DLX2: variants seen among roughly 807,000 people sequenced by gnomAD.
The protein encoded by DLX2 is distal-less homeobox 2, also known as homeobox protein DLX-2.
In DLX2, 8 loss-of-function variants were observed where a neutral mutation model predicts 27.4. The observed-to-expected ratio is 0.29, with a 90% CI of 0.17 to 0.53. The LOEUF is 0.53. Ranked by LOEUF, DLX2 falls within the 20% of genes least tolerant of loss-of-function variation. The pLI is 0.96. For missense variants in DLX2, 421 were observed against 450.9 expected, an observed-to-expected ratio of 0.93 and a Z score of 0.60; for synonymous variants, 210 against 200.8, an observed-to-expected ratio of 1.05 and a Z score of -0.39.
chr2:172,100,425 C>T lies in DLX2; in HGVS notation c.*118G>A, dbSNP rs1559032156. 3.4e-6 allele frequency: 4 copies of T among 1,167,760 alleles called. No homozygotes were observed. The highest frequency in any genetic ancestry group is 2.3e-6 in the Non-Finnish European group (2 of 860,388). The allele number at this position is 1,167,760 out of a possible 1,614,324, so 72.3% of individuals were successfully genotyped here. ...GGGCCTGAGACGGGCCACTGCAGGT[C>T]GCAGCCTGCAGGAGAGGTGGGTGGC... is the stretch of plus-strand genomic sequence containing the variant. On this transcript the variant is annotated 3_prime_UTR_variant, in exon 3 of 3. Transcript: ENST00000234198. This position sits in a 1 kb window ranked among gnomAD's most constrained non-coding sequence, Gnocchi z 4.5.
chr2:172,100,395 G>A lies in DLX2; in HGVS notation c.*148C>T. 1 of 860,268 alleles carries A rather than the reference G, an allele frequency of 1.2e-6. No homozygotes were observed. The highest frequency in any genetic ancestry group is 1.7e-6 in the Non-Finnish European group (1 of 601,414). The allele number at this position is 860,268 out of a possible 1,614,324, so 53.3% of individuals were successfully genotyped here. Reference sequence around the variant, plus strand: ...GGGCCCGTTTGGTGGCCCCGGGAGTGAGCAGGGCCTGAGACGGGCCACTGC... The same window carrying A: ...GGGCCCGTTTGGTGGCCCCGGGAGTAAGCAGGGCCTGAGACGGGCCACTGC... On this transcript the variant is annotated 3_prime_UTR_variant, in exon 3 of 3. Coordinates refer to ENST00000234198, the MANE Select transcript of DLX2 (RefSeq NM_004405.4). This position sits in a 1 kb window ranked among gnomAD's most constrained non-coding sequence, Gnocchi z 4.5.
Position 172,100,004 on chromosome 2 carries a change from C to G in DLX2, c.*539G>C, listed in dbSNP as rs958738213. On this transcript the variant is annotated 3_prime_UTR_variant, in exon 3 of 3. Transcript: ENST00000234198. This position sits in a 1 kb window ranked among gnomAD's most constrained non-coding sequence, Gnocchi z 4.5. ...GGGGTAAGATAAGGGATGGGGGCTC[C>G]GAGGGCTGGGAACTGCAGGAAGGAA... 1 of 152,008 alleles carries G rather than the reference C, an allele frequency of 6.6e-6. No homozygotes were observed. Among genetic ancestry groups the G allele is most frequent in the Non-Finnish European group, 1.5e-5 (1 of 68,054 alleles). The allele number at this position is 152,008 out of a possible 1,614,324, so 9.4% of individuals were successfully genotyped here. A position where few individuals can be genotyped will look rare whatever the true frequency, so the allele number is the denominator to read the frequency against.
In DLX2 at chr2:172,102,720, T is replaced by G. The variant is rs1691188525; in HGVS notation, c.-182A>C. The G allele has an allele frequency of 1.7e-6, 1 of 592,006 alleles. No individual in the cohort carries two copies. The highest frequency in any genetic ancestry group is 2.9e-6 in the Non-Finnish European group (1 of 349,700). 36.7% of individuals were successfully genotyped at this position (592,006 alleles called of 1,614,324 possible). On this transcript the variant is annotated 5_prime_UTR_variant, in exon 1 of 3. Transcript: ENST00000234198. The stretch of plus-strand genomic sequence containing the variant: ...GGGGGAGGCGATCACCGTGCGCTGC[T>G]CGGGACAGCTGCCTCTGGTCGCATC...
chr2:172,102,006 A>G lies in DLX2; in HGVS notation c.400+133T>C, dbSNP rs1393926633. 4.9e-6 allele frequency: 7 copies of G among 1,436,698 alleles called. No individual in the cohort carries two copies. The African/African-American group carries it at 1.0e-4, about 21-fold the overall frequency. The allele number at this position is 1,436,698 out of a possible 1,614,324, so 89.0% of individuals were successfully genotyped here. ...GCAGATTGGAGGCTGGGGAGGGTAAAGGGCACAAGCGGGCGGTGAGCAGGC... is the reference window on the plus strand; with the variant it reads ...GCAGATTGGAGGCTGGGGAGGGTAAGGGGCACAAGCGGGCGGTGAGCAGGC... On this transcript the variant is annotated intron_variant, in intron 1 of 2. Transcript: ENST00000234198.
chr2:172,100,539 G>T lies in DLX2; in HGVS notation c.*4C>A. 2 of 1,568,920 alleles carry T rather than the reference G, an allele frequency of 1.3e-6. No individual in the cohort carries two copies. Among genetic ancestry groups the T allele is most frequent in the Non-Finnish European group, 1.7e-6 (2 of 1,162,634 alleles). ...TCTCAGTCTCTGGCGAGTTCTCCCTGGGGTTAGAAAATCGTCCCCGCGCTC... is the reference window on the plus strand; with the variant it reads ...TCTCAGTCTCTGGCGAGTTCTCCCTTGGGTTAGAAAATCGTCCCCGCGCTC... On this transcript the variant is annotated 3_prime_UTR_variant, in exon 3 of 3. Coordinates refer to ENST00000234198, the MANE Select transcript of DLX2 (RefSeq NM_004405.4). This position sits in a 1 kb window ranked among gnomAD's most constrained non-coding sequence, Gnocchi z 4.5.
chr2:172,101,720 CGG>C, intron 1 of DLX2, 74 bp from the exon 2 acceptor site: 3 of 1,491,460 alleles, frequency 2.0e-6, no homozygotes, highest in Non-Finnish European at 2.7e-6. Flanking sequence ...GAGGGCCCGG[CGG>C]GGGGGACTTG....
At position 172,102,305 on chromosome 2, in the gene DLX2, GC is replaced by G; in HGVS notation, c.233del (p.Gly78AlafsTer67). ...TGTGCGCGTAGGGCGAGCCCCCGCC[GC>G]CGCCGCCGCCCGCCGGGTGCTGCTG... is the stretch of plus-strand genomic sequence containing the variant. ...TNQQHPAGGG[G>X]GGGSPYAHMG... On this transcript the variant is annotated frameshift_variant, in exon 1 of 3. Transcript: ENST00000234198. LOFTEE classifies it high-confidence loss of function. The G allele has an allele frequency of 2.5e-6, 4 of 1,608,878 alleles. No homozygotes were observed. The highest frequency in any genetic ancestry group is 3.4e-6 in the Non-Finnish European group (4 of 1,177,904).
chr2:172,102,093 A>C, intron 1 of DLX2, 46 bp downstream of exon 1: 1 of 1,582,034 alleles, frequency 6.3e-7, no homozygotes, highest in Non-Finnish European at 8.6e-7. Flanking sequence ...CATCCATCCC[A>C]TTAACTAGAC....
Position 172,100,766 on chromosome 2 carries a change from G to A in DLX2, c.764C>T (p.Pro255Leu), listed in dbSNP as rs1325103506. The change falls in exon 3 of 3, where the codon CCG becomes CTG. Residue 255 changes from proline (P) to leucine (L), a missense_variant. This residue lies in a region of DLX2 where 185 missense variants were observed against 171.1 expected (regional missense o/e 1.08). Transcript: ENST00000234198. The surrounding 1 kb of genome is among the most constrained non-coding windows in gnomAD (Gnocchi z 4.5). ...VPQRMAGGGG[P>L]GSGGSGAGSS... is the part of the protein sequence containing the mutation. ...GCCGGCGCCGCTGCCGCCACTGCCC[G>A]GACCACCGCCGCCCGCCATCCGCTG... The A allele has an allele frequency of 1.3e-6, 2 of 1,575,086 alleles. No individual in the cohort carries two copies. The highest frequency in any genetic ancestry group is 1.7e-6 in the Non-Finnish European group (2 of 1,160,804).
At position 172,100,844 on chromosome 2, in the gene DLX2, G is replaced by A; in HGVS notation, c.686C>T (p.Pro229Leu). ...CGCTGAGACTGGCGGCGAAGCACAAGGTGGAGAAGCGCTGGCCCCAGGGTG... is the reference window on the plus strand; with the variant it reads ...CGCTGAGACTGGCGGCGAAGCACAAAGTGGAGAAGCGCTGGCCCCAGGGTG... Reference protein sequence around the residue: ...EQHPGASASPPCASPPVSAPA... With the variant: ...EQHPGASASPLCASPPVSAPA... Residue 229 changes from proline (P) to leucine (L), a missense_variant, in exon 3 of 3, where the codon CCT becomes CTT. Transcript: ENST00000234198. The surrounding 1 kb of genome is among the most constrained non-coding windows in gnomAD (Gnocchi z 4.5). 1.2e-6 allele frequency: 2 copies of A among 1,612,308 alleles called. No homozygotes were observed. The highest frequency in any genetic ancestry group is 2.7e-5 in the African/African-American group (2 of 74,934).
intron 1 of DLX2, 22 bp downstream of exon 1, chr2:172,102,117 T>A: frequency 6.2e-7 from 1 of 1,606,346 alleles, no homozygotes; most frequent in Non-Finnish European, 8.5e-7. Context: ...CTCGGCACTC[T>A]TGACTTCAGC....
chr2:172,101,278 A>G (rs1423112590), intron 2 of DLX2, 184 bp downstream of exon 2: 9 of 696,432 alleles, frequency 1.3e-5, no homozygotes, highest in African/African-American at 1.8e-5. Flanking sequence ...CTTCCCTCCC[A>G]CGGCGGCCCC....
In DLX2 at chr2:172,101,592, A is replaced by C; in HGVS notation, c.455T>G (p.Val152Gly). Residue 152 changes from valine (V) to glycine (G), a missense_variant, in exon 2 of 3, where the codon GTC becomes GGC. Val to Gly is a moderately radical substitution (Grantham distance 109). This residue lies in a region of DLX2 where 141 missense variants were observed against 123.5 expected (regional missense o/e 1.14). Coordinates refer to ENST00000234198, the MANE Select transcript of DLX2 (RefSeq NM_004405.4). ...GGAGTAGATGGTGCGGGGTTTCCGG[A>C]CTTTCTTTGGCTTCCCGTTCACTAT... is the stretch of plus-strand genomic sequence containing the variant. ...IRIVNGKPKK[V>G]RKPRTIYSSF... The C allele has an allele frequency of 6.2e-7, 1 of 1,614,186 alleles. No homozygotes were observed. The highest frequency in any genetic ancestry group is 2.2e-5 in the East Asian group (1 of 44,874).
Position 172,100,636 on chromosome 2 carries a change from C to A in DLX2, c.894G>T (p.Pro298=). 1.3e-6 allele frequency: 2 copies of A among 1,564,556 alleles called. No individual in the cohort carries two copies. Among genetic ancestry groups the A allele is most frequent in the Admixed American group, 2.0e-5 (1 of 50,676 alleles). ...GSASHLQATA[P]LLHPTQTPQP... ...GCGGGGTCTGAGTGGGGTGCAGCAG[C>A]GGCGCCGTGGCCTGCAGGTGTGAGG... is the stretch of plus-strand genomic sequence containing the variant. The change falls in exon 3 of 3, where the codon CCG becomes CCT. Residue 298 remains proline (P), a synonymous_variant. Coordinates refer to ENST00000234198, the MANE Select transcript of DLX2 (RefSeq NM_004405.4). The surrounding 1 kb of genome is among the most constrained non-coding windows in gnomAD (Gnocchi z 4.5).
Position 172,100,610 on chromosome 2 carries a change from TG to T in DLX2, c.919del (p.Gln307SerfsTer16). ...APLLHPTQTP[Q>X]PHHHHHHHGG... The stretch of plus-strand genomic sequence containing the variant: ...GTGATGGTGGTGGTGGTGATGCGGC[TG>T]CGGGGTCTGAGTGGGGTGCAGCAGC... On this transcript the variant is annotated frameshift_variant, in exon 3 of 3. Coordinates refer to ENST00000234198, the MANE Select transcript of DLX2 (RefSeq NM_004405.4). LOFTEE classifies it high-confidence loss of function. The surrounding 1 kb of genome is among the most constrained non-coding windows in gnomAD (Gnocchi z 4.5). 1.3e-6 allele frequency: 2 copies of T among 1,572,656 alleles called. No homozygotes were observed. Among genetic ancestry groups the T allele is most frequent in the Non-Finnish European group, 1.7e-6 (2 of 1,163,840 alleles).
Position 172,101,116 on chromosome 2 carries a change from T to G in DLX2, c.586-172A>C, listed in dbSNP as rs1219476751. 5.6e-6 allele frequency: 4 copies of G among 708,484 alleles called. No homozygotes were observed. The African/African-American group carries it at 7.3e-5, about 13-fold the overall frequency. The allele number at this position is 708,484 out of a possible 1,614,324, so 43.9% of individuals were successfully genotyped here. A position where few individuals can be genotyped will look rare whatever the true frequency, so the allele number is the denominator to read the frequency against. On this transcript the variant is annotated intron_variant, in intron 2 of 2. Coordinates refer to ENST00000234198, the MANE Select transcript of DLX2 (RefSeq NM_004405.4). ...CGGCCTTCGAGGCTCTGCCGGTTCC[T>G]GCTCCCTGGGGAGGTAATTGCCAAA...
At position 172,102,161 on chromosome 2, in the gene DLX2, C is replaced by T; in HGVS notation, c.378G>A (p.Ser126=). 1 of 1,613,664 alleles carries T rather than the reference C, an allele frequency of 6.2e-7. No individual in the cohort carries two copies. The highest frequency in any genetic ancestry group is 1.1e-5 in the South Asian group (1 of 91,038). The change falls in exon 1 of 3, where the codon TCG becomes TCA. Residue 126 remains serine, a synonymous_variant. Transcript: ENST00000234198. Reference sequence around the variant, plus strand: ...TACCAGGCTCGTTGTTGGCTGGGGACGAACTGGTTCCATAGGGAGCGTAGG... The same window carrying T: ...TACCAGGCTCGTTGTTGGCTGGGGATGAACTGGTTCCATAGGGAGCGTAGG... ...YTSYAPYGTS[S]SPANNEPEKE... is the part of the protein sequence containing the mutation.
rs1234182112 is a variant in DLX2 at position 172,101,085 on chromosome 2, G to C, written c.586-141C>G. Reference sequence around the variant, plus strand: ...CGCCCTGGGGAGATAAGAGGATCACGGGCGGCGGCCTTCGAGGCTCTGCCG... The same window carrying C: ...CGCCCTGGGGAGATAAGAGGATCACCGGCGGCGGCCTTCGAGGCTCTGCCG... On this transcript the variant is annotated intron_variant, in intron 2 of 2. Coordinates refer to ENST00000234198, the MANE Select transcript of DLX2 (RefSeq NM_004405.4). 15 of 921,242 alleles carry C rather than the reference G, an allele frequency of 1.6e-5. 1 individual carries two copies. The highest frequency in any genetic ancestry group is 2.3e-5 in the Non-Finnish European group (14 of 612,570). The allele number at this position is 921,242 out of a possible 1,614,324, so 57.1% of individuals were successfully genotyped here. A position where few individuals can be genotyped will look rare whatever the true frequency, so the allele number is the denominator to read the frequency against.
chr2:172,102,566 G>T lies in DLX2; in HGVS notation c.-28C>A. 1.3e-6 allele frequency: 2 copies of T among 1,489,876 alleles called. No individual in the cohort carries two copies. The highest frequency in any genetic ancestry group is 2.5e-5 in the Admixed American group (1 of 40,282). The allele number at this position is 1,489,876 out of a possible 1,614,324, so 92.3% of individuals were successfully genotyped here. On this transcript the variant is annotated 5_prime_UTR_variant, in exon 1 of 3. Coordinates refer to ENST00000234198, the MANE Select transcript of DLX2 (RefSeq NM_004405.4). Reference sequence around the variant, plus strand: ...TGGCCCGAGACGGGAAAGAGCAGAGGTGGCGGGCGTGCGGGGGAAGCCAGG... The same window carrying T: ...TGGCCCGAGACGGGAAAGAGCAGAGTTGGCGGGCGTGCGGGGGAAGCCAGG...
Sources: gnomAD v4.1 joint callset for allele counts on GRCh38, gnomAD v4.1.1 for gene constraint, gnomAD v4.1.1 regional missense constraint, Gnocchi (gnomAD v3.1) non-coding constraint, MANE v1.5 for transcripts, NCBI Gene and HGNC (gene_info 2026-07-23, HGNC 2026-07-21) for gene names.